The following ACYP2 variants were observed in gnomAD, a reference collection of about 807,000 sequenced individuals.
ACYP2 encodes the protein acylphosphatase-2.
A neutral mutation model predicts 11.2 loss-of-function variants in ACYP2; 12 were observed. The ratio of observed to expected loss-of-function variants is 1.08; its 90% CI spans 0.69 to 1.74. The LOEUF is 1.74. Ranked by LOEUF, ACYP2 falls within the 40% of genes most tolerant of loss-of-function variation. The pLI is 0.00. For missense variants in ACYP2, 134 were observed against 101.9 expected (o/e 1.31, Z -1.35); for synonymous variants, 43 against 32.2 (o/e 1.33, Z -1.13).
chr2:53,997,055 C>T (rs951701776), intron 2 of ACYP2, among the ~76,000 whole-genome samples: 1 of 152,164 alleles, frequency 6.6e-6, no homozygotes, highest in South Asian at 2.1e-4. Flanking sequence ...TATGTGGAAC[C>T]TATTCACTAT....
chr2:54,092,527 C>G (rs1411941209), intron 4 of ACYP2, among the ~76,000 whole-genome samples: 1 of 152,022 alleles, frequency 6.6e-6, no homozygotes, highest in East Asian at 1.9e-4. Flanking sequence ...GAATCATCCA[C>G]CAGTTAAGCC....
chr2:54,239,060 C>G (rs1333561788), intron 6 of ACYP2, among the ~76,000 whole-genome samples: 7 of 151,866 alleles, frequency 4.6e-5, no homozygotes, highest in African/African-American at 1.7e-4. Context: ...ATCATAAATC[C>G]ACTTATAATA....
At chr2:54,239,520 C>G (rs188487739) in intron 6 of ACYP2, among the ~76,000 whole-genome samples, 1 of 152,096 alleles carries the variant, frequency 6.6e-6, no homozygotes, top group Non-Finnish European at 1.5e-5. Context: ...AAAAGCATGC[C>G]CCATCCCACT....
At chr2:53,972,728 A>G (rs1246881752) in intron 1 of ACYP2, among the ~76,000 whole-genome samples, 8 of 152,206 alleles carry the variant, frequency 5.3e-5, no homozygotes, top group Non-Finnish European at 1.2e-4. Context: ...TGAAATTGAG[A>G]GCTACTTCAG....
At chr2:54,019,471 G>A (rs1673881330) in intron 2 of ACYP2, among the ~76,000 whole-genome samples, 1 of 151,432 alleles carries the variant, frequency 6.6e-6, no homozygotes. Context: ...CGACCTCCTG[G>A]GCTCAAGCAA....
intron 6 of ACYP2, among the ~76,000 whole-genome samples, chr2:54,159,352 G>T (rs1483781646): frequency 6.7e-6 from 1 of 149,840 alleles, no homozygotes; most frequent in African/African-American, 2.5e-5. Flanking sequence ...GCTTATATTG[G>T]ATTATGACTT....
intron 4 of ACYP2, among the ~76,000 whole-genome samples, chr2:54,099,196 A>G (rs1169480369): frequency 6.6e-6 from 1 of 152,204 alleles, no homozygotes; most frequent in Admixed American, 6.5e-5. Flanking sequence ...ATGGTGTACA[A>G]ATATGTTTTG....
At chr2:54,085,915 TGG>T (rs1677921330) in intron 4 of ACYP2, among the ~76,000 whole-genome samples, 6 of 152,192 alleles carry the variant, frequency 3.9e-5, no homozygotes, top group African/African-American at 1.2e-4. Flanking sequence ...CTCTGACCTC[TGG>T]TGACTCTAAA....
At chr2:54,060,460 T>C (rs1051670982) in intron 4 of ACYP2, among the ~76,000 whole-genome samples, 1 of 152,200 alleles carries the variant, frequency 6.6e-6, no homozygotes, top group Non-Finnish European at 1.5e-5. Context: ...GATTCAATTA[T>C]AATTTTAGTA....
chr2:53,989,205 A>G lies in ACYP2; in HGVS notation c.62+15395A>G, dbSNP rs191904997. Among the ~76,000 whole-genome samples the G allele has an allele frequency of 5.3e-5, 8 of 151,646 alleles. 1 individual carries two copies. The highest frequency in any genetic ancestry group is 5.3e-4 in the Admixed American group (8 of 15,202). The stretch of plus-strand genomic sequence containing the variant: ...CCTGCTGGCACCATCGACTATTGTG[A>G]TCTACTGTGAGCCAATACTTAAATA... On this transcript the variant is annotated intron_variant, in intron 2 of 6. Coordinates refer to ENST00000607452, the MANE Select transcript of ACYP2 (RefSeq NM_001320586.2).
intron 4 of ACYP2, among the ~76,000 whole-genome samples, chr2:54,061,134 G>T (rs182265000): frequency 6.6e-6 from 1 of 152,158 alleles, no homozygotes; most frequent in Non-Finnish European, 1.5e-5. Flanking sequence ...GGGATTACAG[G>T]CACAAGCCAC....
chr2:54,109,481 T>A (rs1679342511), intron 4 of ACYP2, among the ~76,000 whole-genome samples: 1 of 151,978 alleles, frequency 6.6e-6, no homozygotes, highest in African/African-American at 2.4e-5. Context: ...GAGGGATGGG[T>A]GCACCAAAAT....
At chr2:54,139,404 C>G (rs890098988) in intron 6 of ACYP2, among the ~76,000 whole-genome samples, 2 of 152,170 alleles carry the variant, frequency 1.3e-5, no homozygotes, top group African/African-American at 4.8e-5. Flanking sequence ...AACTATGAAT[C>G]CTTGAAGTCC....
At chr2:53,972,828 C>T (rs1308073334) in intron 1 of ACYP2, among the ~76,000 whole-genome samples, 1 of 152,190 alleles carries the variant, frequency 6.6e-6, no homozygotes, top group Non-Finnish European at 1.5e-5. Flanking sequence ...TGAAGTCCTT[C>T]ACTGAGATAA....
intron 6 of ACYP2, among the ~76,000 whole-genome samples, chr2:54,243,506 A>G (rs866987063): frequency 6.6e-6 from 1 of 151,984 alleles, no homozygotes; most frequent in Non-Finnish European, 1.5e-5. Flanking sequence ...TCATTCATTT[A>G]TTTTTTGAGA....
chr2:54,166,339 G>A (rs1325050891), intron 6 of ACYP2, among the ~76,000 whole-genome samples: 1 of 152,178 alleles, frequency 6.6e-6, no homozygotes, highest in Non-Finnish European at 1.5e-5. Flanking sequence ...TGGATACAAA[G>A]ATGAGTAATA....
intron 6 of ACYP2, among the ~76,000 whole-genome samples, chr2:54,275,035 A>C (rs1308882345): frequency 6.6e-6 from 1 of 152,126 alleles, no homozygotes; most frequent in Non-Finnish European, 1.5e-5. Context: ...GCTTCTGAAT[A>C]TTATTTTTAA....
At chr2:54,108,297 A>G (rs202227764) in intron 4 of ACYP2, among the ~76,000 whole-genome samples, 1 of 152,210 alleles carries the variant, frequency 6.6e-6, no homozygotes, top group East Asian at 1.9e-4. Flanking sequence ...CTACAGAAAC[A>G]GAAAGTCCAG....
intron 6 of ACYP2, among the ~76,000 whole-genome samples, chr2:54,201,533 T>A (rs10171521): frequency 0.35 from 53,035 of 151,188 alleles, 10,389 homozygotes; most frequent in African/African-American, 0.53. Flanking sequence ...TTTCTTGGTC[T>A]TGTCTTTCGA....
Sources: allele counts gnomAD v4.1 joint callset (sites outside exome capture counted in the v4.1 genomes callset), GRCh38; gene constraint gnomAD v4.1.1; transcripts MANE v1.5; gene names NCBI Gene and HGNC (gene_info 2026-07-23, HGNC 2026-07-21).